Variants in GABRB2 observed in about 807,000 individuals in gnomAD.
The protein encoded by GABRB2 is gamma-aminobutyric acid type A receptor subunit beta2.
GABRB2 carries 16 observed loss-of-function variants against 54.7 expected under a neutral mutation model. The ratio of observed to expected loss-of-function variants is 0.29; its 90% confidence interval spans 0.20 to 0.44. The LOEUF is 0.44. Ranked by LOEUF, GABRB2 falls within the 20% of genes least tolerant of loss-of-function variation. GABRB2 has a pLI of 1.00. For missense variants in GABRB2, 355 were observed against 644.0 expected (o/e 0.55, Z 4.86); for synonymous variants, 244 against 233.8 (o/e 1.04, Z -0.40).
chr5:161,477,151 T>C lies in GABRB2; in HGVS notation c.238-17307A>G, dbSNP rs140006812. ...TAATACATTTCTCCAAAAGATAATA[T>C]ATAAATGACCAACAAGCATATGTAT... On this transcript the variant is annotated intron_variant, in intron 3 of 9. Coordinates refer to ENST00000393959, the MANE Select transcript of GABRB2 (RefSeq NM_001371727.1). Among the ~76,000 whole-genome samples, 410 of 151,890 alleles carry C rather than the reference T, an allele frequency of 2.7e-3. 6 individuals are homozygous for C. Among genetic ancestry groups the C allele is most frequent in the South Asian group, 0.024 (116 of 4,824 alleles).
At chr5:161,506,240 T>G (rs758418843) in intron 3 of GABRB2, among the ~76,000 whole-genome samples, 2 of 152,006 alleles carry the variant, frequency 1.3e-5, no homozygotes, top group Non-Finnish European at 2.9e-5. Flanking sequence ...TACAAACATT[T>G]AGGAGATAAA....
At chr5:161,503,399 A>T (rs1759506999) in intron 3 of GABRB2, among the ~76,000 whole-genome samples, 1 of 152,204 alleles carries the variant, frequency 6.6e-6, no homozygotes, top group African/African-American at 2.4e-5. Context: ...CAAATGGAAA[A>T]GAAATAGTAA....
At chr5:161,421,118 G>T (rs969230303) in intron 4 of GABRB2, among the ~76,000 whole-genome samples, 1 of 152,168 alleles carries the variant, frequency 6.6e-6, no homozygotes, top group Non-Finnish European at 1.5e-5. Context: ...TGTCCTGTGT[G>T]TGTATTTGCT....
At chr5:161,349,378 C>G (rs924994249) in intron 5 of GABRB2, among the ~76,000 whole-genome samples, 3 of 152,056 alleles carry the variant, frequency 2.0e-5, no homozygotes, top group Non-Finnish European at 4.4e-5. Context: ...AAGATAAATG[C>G]AACATCCTTA....
At chr5:161,515,414 T>C (rs1372726879) in intron 3 of GABRB2, among the ~76,000 whole-genome samples, 2 of 152,126 alleles carry the variant, frequency 1.3e-5, no homozygotes, top group South Asian at 4.1e-4. Flanking sequence ...TGAATGAGTA[T>C]ATTATTGCCT....
chr5:161,430,729 G>A (rs182602348), intron 4 of GABRB2, among the ~76,000 whole-genome samples: 25 of 152,274 alleles, frequency 1.6e-4, no homozygotes, highest in African/African-American at 5.8e-4. Context: ...ATGTTCTGAT[G>A]TGAGTACTTA....
At chr5:161,466,189 G>A (rs995200243) in intron 3 of GABRB2, among the ~76,000 whole-genome samples, 1 of 151,904 alleles carries the variant, frequency 6.6e-6, no homozygotes, top group Non-Finnish European at 1.5e-5. Flanking sequence ...AAGCAATATT[G>A]TATCCATCAT....
At chr5:161,441,610 C>T (rs372336680) in intron 4 of GABRB2, among the ~76,000 whole-genome samples, 41 of 152,194 alleles carry the variant, frequency 2.7e-4, no homozygotes, top group East Asian at 7.7e-4. Flanking sequence ...TGGGTATATA[C>T]GCAAAGGAGG....
intron 5 of GABRB2, among the ~76,000 whole-genome samples, chr5:161,410,000 C>T (rs1251669488): frequency 6.6e-6 from 1 of 152,116 alleles, no homozygotes; most frequent in East Asian, 1.9e-4. Flanking sequence ...CAATGTGTCA[C>T]AAATGCCATA....
chr5:161,291,170 T>C lies in GABRB2; in HGVS notation c.*2911A>G, dbSNP rs1229543805. 1 of 152,564 alleles carries C rather than the reference T, an allele frequency of 6.6e-6. No individual in the cohort carries two copies. The highest frequency in any genetic ancestry group is 1.5e-5 in the Non-Finnish European group (1 of 68,010). 9.5% of individuals were successfully genotyped at this position (152,564 alleles called of 1,614,324 possible). ...ATACAGATTGAGATCAAAGATTTCA[T>C]GTAGACTGTGCATTTTAGAGTCAGA... On this transcript the variant is annotated 3_prime_UTR_variant, in exon 10 of 10. Transcript: ENST00000393959.
rs1215092542 is a variant in GABRB2 at position 161,293,983 on chromosome 5, C to T, written c.*98G>A. On this transcript the variant is annotated 3_prime_UTR_variant, in exon 10 of 10. Coordinates refer to ENST00000393959, the MANE Select transcript of GABRB2 (RefSeq NM_001371727.1). ...CAGCAACTAAGGTATTTTAGCGTCACTTTTGTCCTGGATTGATGTGTTTTC... is the reference window on the plus strand; with the variant it reads ...CAGCAACTAAGGTATTTTAGCGTCATTTTTGTCCTGGATTGATGTGTTTTC... The T allele has an allele frequency of 1.8e-5, 17 of 948,868 alleles. No individual in the cohort carries two copies. The highest frequency in any genetic ancestry group is 1.4e-5 in the Non-Finnish European group (9 of 627,366). The allele number at this position is 948,868 out of a possible 1,614,324, so 58.8% of individuals were successfully genotyped here. A position where few individuals can be genotyped will look rare whatever the true frequency, so the allele number is the denominator to read the frequency against.
In GABRB2 at chr5:161,326,392, G is replaced by A; in HGVS notation, c.1167C>T (p.Thr389=). The change falls in exon 9 of 10, where the codon ACC becomes ACT. Residue 389 remains threonine, a synonymous_variant. Transcript: ENST00000393959. ...TGNLSPTRRT[T]NYDFSLYTMD... ...CCGTATACAGAGAGAAATCGTAATT[G>A]GTAGTCCGTCTAGTTGGGGAGAGGT... 1.2e-6 allele frequency: 2 copies of A among 1,613,618 alleles called. No homozygotes were observed. The highest frequency in any genetic ancestry group is 1.1e-5 in the South Asian group (1 of 91,054).
At chr5:161,448,279 C>T (rs1428321704) in intron 4 of GABRB2, among the ~76,000 whole-genome samples, 5 of 152,088 alleles carry the variant, frequency 3.3e-5, no homozygotes, top group East Asian at 1.9e-4. Context: ...AAAAATTAGC[C>T]GGATGTAGTG....
intron 9 of GABRB2, among the ~76,000 whole-genome samples, chr5:161,318,851 A>T (rs1276925064): frequency 6.6e-6 from 1 of 151,996 alleles, no homozygotes; most frequent in Non-Finnish European, 1.5e-5. Flanking sequence ...AAAATACTTT[A>T]AAAAAACACA....
chr5:161,334,970 G>T (rs938762816), intron 6 of GABRB2, 66 bp from the exon 7 acceptor site: 2 of 1,488,570 alleles, frequency 1.3e-6, no homozygotes, highest in African/African-American at 2.8e-5. Flanking sequence ...TTCTTTAAAG[G>T]TGCATAAACA....
intron 3 of GABRB2, among the ~76,000 whole-genome samples, chr5:161,475,986 G>A (rs913697652): frequency 1.3e-5 from 2 of 151,680 alleles, no homozygotes; most frequent in African/African-American, 4.8e-5. Flanking sequence ...TAATTGGAAA[G>A]GAAAAAGTAA....
Position 161,435,879 on chromosome 5 carries a change from T to C in GABRB2, c.458+23745A>G, listed in dbSNP as rs145287403. Among the ~76,000 whole-genome samples the C allele has an allele frequency of 2.7e-3, 404 of 152,326 alleles. 1 individual carries two copies. Among genetic ancestry groups the C allele is most frequent in the African/African-American group, 9.5e-3 (393 of 41,582 alleles). On this transcript the variant is annotated intron_variant, in intron 4 of 9. Coordinates refer to ENST00000393959, the MANE Select transcript of GABRB2 (RefSeq NM_001371727.1). The stretch of plus-strand genomic sequence containing the variant: ...ACAATATATGTGGCTTGAATTTAAA[T>C]TTATAGATTTTGTTTTCTTTAACAT...
At chr5:161,349,856 A>G (rs987755860) in intron 5 of GABRB2, among the ~76,000 whole-genome samples, 3 of 152,144 alleles carry the variant, frequency 2.0e-5, no homozygotes, top group African/African-American at 7.2e-5. Flanking sequence ...CCCAGAAAAC[A>G]GCTTGATGGC....
At chr5:161,528,015 A>G (rs1198819826) in intron 3 of GABRB2, among the ~76,000 whole-genome samples, 1 of 151,730 alleles carries the variant, frequency 6.6e-6, no homozygotes, top group African/African-American at 2.4e-5. Context: ...AGTGTTTAAT[A>G]TAACTTAGTT....
Sources: allele counts gnomAD v4.1 joint callset (sites outside exome capture counted in the v4.1 genomes callset), GRCh38; gene constraint gnomAD v4.1.1; transcripts MANE v1.5; gene names NCBI Gene and HGNC (gene_info 2026-07-23, HGNC 2026-07-21).